GPC6: variants seen among roughly 807,000 people sequenced by gnomAD.
GPC6 encodes the protein glypican-6.
GPC6 carries 14 observed loss-of-function variants against 55.2 expected under a neutral mutation model. That is an observed-to-expected ratio of 0.25 (90% CI 0.17 to 0.40). The LOEUF (loss-of-function observed/expected upper bound fraction) is 0.40, where lower values mean the gene tolerates loss of function less well. GPC6 is among the 10% of genes least tolerant of loss of function. The probability of loss-of-function intolerance (pLI) is 1.00; values close to 1 mark genes in which losing one functional copy is unlikely to be tolerated. For missense variants in GPC6, 641 were observed against 708.5 expected (o/e 0.90, Z 1.08); for synonymous variants, 278 against 259.6 (o/e 1.07, Z -0.68).
At chr13:93,817,889 GA>G (rs1362509779) in intron 2 of GPC6, among the ~76,000 whole-genome samples, 1 of 149,066 alleles carries the variant, frequency 6.7e-6, no homozygotes, top group African/African-American at 2.5e-5. Flanking sequence ...TAGATAGATA[GA>G]TAGATATAAA....
intron 2 of GPC6, among the ~76,000 whole-genome samples, chr13:93,581,961 C>A (rs1876957024): frequency 2.0e-5 from 3 of 152,060 alleles, no homozygotes; most frequent in Admixed American, 2.0e-4. Flanking sequence ...CATAAGATAT[C>A]AGGGGTTGTT....
intron 3 of GPC6, among the ~76,000 whole-genome samples, chr13:93,937,633 C>T (rs993443743): frequency 6.6e-6 from 1 of 152,124 alleles, no homozygotes; most frequent in Non-Finnish European, 1.5e-5. Context: ...GGCTGGAGTG[C>T]AGTGACTTCA....
intron 4 of GPC6, among the ~76,000 whole-genome samples, chr13:94,147,528 A>C (rs530882542): frequency 6.6e-6 from 1 of 152,296 alleles, no homozygotes; most frequent in African/African-American, 2.4e-5. Flanking sequence ...TGATGCATAT[A>C]CCATGCTTAC....
intron 1 of GPC6, among the ~76,000 whole-genome samples, chr13:93,506,780 C>T (rs1313386449): frequency 2.7e-5 from 4 of 150,714 alleles, no homozygotes; most frequent in Non-Finnish European, 5.9e-5. Flanking sequence ...GTGGCTCACA[C>T]CTGTAATCCC....
chr13:93,665,701 A>G (rs1881102913), intron 2 of GPC6, among the ~76,000 whole-genome samples: 1 of 152,180 alleles, frequency 6.6e-6, no homozygotes, highest in African/African-American at 2.4e-5. Context: ...AGAAGAGATA[A>G]TGGGTTAGGA....
intron 2 of GPC6, among the ~76,000 whole-genome samples, chr13:93,545,800 A>C (rs1428263858): frequency 1.3e-5 from 2 of 152,222 alleles, no homozygotes; most frequent in Non-Finnish European, 1.5e-5. Context: ...TTTGAAATAT[A>C]ACATCACATT....
chr13:94,374,285 T>G (rs1879730459), intron 6 of GPC6, among the ~76,000 whole-genome samples: 1 of 151,258 alleles, frequency 6.6e-6, no homozygotes, highest in Non-Finnish European at 1.5e-5. Context: ...GGATGAAGAG[T>G]CAAGACCCAT....
chr13:93,680,655 G>A (rs539853339), intron 2 of GPC6, among the ~76,000 whole-genome samples: 2 of 152,054 alleles, frequency 1.3e-5, no homozygotes, highest in Non-Finnish European at 1.5e-5. Flanking sequence ...GACTGATAAC[G>A]CTTATATGGT....
intron 4 of GPC6, among the ~76,000 whole-genome samples, chr13:94,047,074 A>G (rs116043962): frequency 6.6e-6 from 1 of 152,130 alleles, no homozygotes; most frequent in African/African-American, 2.4e-5. Context: ...GCAAAAGTCT[A>G]ATCAGGAAGC....
chr13:94,394,384 G>A (rs1193973816), intron 7 of GPC6, among the ~76,000 whole-genome samples: 1 of 152,196 alleles, frequency 6.6e-6, no homozygotes, highest in Non-Finnish European at 1.5e-5. Flanking sequence ...TCCAGCCTTG[G>A]AACATGGGCT....
chr13:93,243,647 G>A (rs2139018482), intron 1 of GPC6, among the ~76,000 whole-genome samples: 1 of 152,298 alleles, frequency 6.6e-6, no homozygotes, highest in African/African-American at 2.4e-5. Context: ...TCTAAATAAG[G>A]CTGTTTGGTG....
chr13:94,373,053 AC>A (rs1420897260), intron 6 of GPC6, among the ~76,000 whole-genome samples: 7 of 152,118 alleles, frequency 4.6e-5, no homozygotes, highest in Non-Finnish European at 4.4e-5. Flanking sequence ...CCACACCAAA[AC>A]CCCATCTGTA....
chr13:93,685,376 A>G lies in GPC6; in HGVS notation c.319+139955A>G, dbSNP rs181016819. ...AATTGCCTTATATCCGGGGCCATGCATGTAGTAGTTCCAAATGATCAAGGT... is the reference window on the plus strand; with the variant it reads ...AATTGCCTTATATCCGGGGCCATGCGTGTAGTAGTTCCAAATGATCAAGGT... On this transcript the variant is annotated intron_variant, in intron 2 of 8. Transcript: ENST00000377047. Among the ~76,000 whole-genome samples, 32 of 152,292 alleles carry G rather than the reference A, an allele frequency of 2.1e-4. No individual in the cohort carries two copies. The East Asian group carries it at 6.2e-3, about 30-fold the overall frequency.
intron 1 of GPC6, among the ~76,000 whole-genome samples, chr13:93,262,277 G>A (rs561115377): frequency 1.3e-5 from 2 of 151,764 alleles, no homozygotes; most frequent in African/African-American, 4.8e-5. Context: ...CCTCAGCAGA[G>A]GAAAGAAGGA....
chr13:93,903,578 G>A (rs1415886072), intron 3 of GPC6, among the ~76,000 whole-genome samples: 1 of 152,118 alleles, frequency 6.6e-6, no homozygotes, highest in Non-Finnish European at 1.5e-5. Flanking sequence ...GAGCATGAAA[G>A]ATCTGTGTTT....
chr13:93,955,284 CA>C (rs1879460388), intron 3 of GPC6, among the ~76,000 whole-genome samples: 2 of 145,266 alleles, frequency 1.4e-5, no homozygotes, highest in African/African-American at 2.6e-5. Context: ...CACACACACA[CA>C]CACCTGCCAA....
At chr13:94,019,716 G>C (rs1051837311) in intron 3 of GPC6, among the ~76,000 whole-genome samples, 4 of 151,896 alleles carry the variant, frequency 2.6e-5, no homozygotes, top group African/African-American at 9.7e-5. Context: ...TATTTATATT[G>C]GCAAATACCC....
At chr13:94,167,407 T>G (rs1344233633) in intron 4 of GPC6, among the ~76,000 whole-genome samples, 2 of 152,164 alleles carry the variant, frequency 1.3e-5, no homozygotes, top group Non-Finnish European at 2.9e-5. Context: ...AGAAGATTCT[T>G]CAAAATCTCC....
intron 6 of GPC6, among the ~76,000 whole-genome samples, chr13:94,373,666 C>A (rs1372847583): frequency 6.6e-6 from 1 of 152,084 alleles, no homozygotes; most frequent in Non-Finnish European, 1.5e-5. Flanking sequence ...GAGAACTTCC[C>A]CAATCTAGCA....
Sources: allele counts gnomAD v4.1 joint callset (sites outside exome capture counted in the v4.1 genomes callset), GRCh38; gene constraint gnomAD v4.1.1; transcripts MANE v1.5; gene names NCBI Gene and HGNC (gene_info 2026-07-23, HGNC 2026-07-21).